LIN54: variants seen among roughly 807,000 people sequenced by gnomAD.
LIN54 encodes lin-54 DREAM MuvB core complex component.
Under a neutral mutation model 78.7 loss-of-function variants are expected in LIN54, and 9 were observed. The ratio of observed to expected loss-of-function variants is 0.11; its 90% CI spans 0.07 to 0.20. The LOEUF (loss-of-function observed/expected upper bound fraction) is 0.20. LIN54 is among the 10% of genes least tolerant of loss of function. The pLI, the probability that LIN54 is intolerant of heterozygous loss-of-function variation, is 1.00. For synonymous variants in LIN54, 269 were observed against 318.4 expected, an observed-to-expected ratio of 0.84 and a Z score of 1.65; for missense variants, 573 against 889.9, an observed-to-expected ratio of 0.64 and a Z score of 4.53.
At chr4:82,932,909 C>G (rs1381041988) in intron 11 of LIN54, among the ~76,000 whole-genome samples, 1 of 152,090 alleles carries the variant, frequency 6.6e-6, no homozygotes, top group African/African-American at 2.4e-5. Flanking sequence ...TCCCTGATTT[C>G]TAACGAATTT....
In LIN54 at chr4:82,947,023, C is replaced by CT. The variant is rs1187349647; in HGVS notation, c.952-550dup. Among the ~76,000 whole-genome samples, 10 of 151,262 alleles carry CT rather than the reference C, an allele frequency of 6.6e-5. No individual in the cohort carries two copies. In the East Asian group the frequency reaches 2.0e-3, roughly 30 times the overall value. ...CCTGCCTCAGCCCCCCAAAGTGCTGCTTTTTCCCAAAAGAAAAGCCTACCT... is the reference window on the plus strand; with the variant it reads ...CCTGCCTCAGCCCCCCAAAGTGCTGCTTTTTTCCCAAAAGAAAAGCCTACCT... On this transcript the variant is annotated intron_variant, in intron 4 of 12. Transcript: ENST00000340417.
chr4:82,947,235 A>ATATATTTTTTTTTTTTTTTTTTT, intron 4 of LIN54, among the ~76,000 whole-genome samples: 1 of 44,292 alleles, frequency 2.3e-5, no homozygotes, highest in African/African-American at 1.0e-4. Context: ...ATATATATAT[A>ATATATTTTTTTTTTTTTTTTTTT]TTTTTTTTTT....
intron 3 of LIN54, among the ~76,000 whole-genome samples, chr4:82,973,980 G>A (rs1045182647): frequency 3.3e-5 from 5 of 152,174 alleles, no homozygotes; most frequent in Non-Finnish European, 4.4e-5. Flanking sequence ...GGAGGACAAG[G>A]AGGGTGGATC....
chr4:82,972,948 T>TAAAAAAAAAAAAA (rs35025108), intron 3 of LIN54, among the ~76,000 whole-genome samples: 1 of 59,412 alleles, frequency 1.7e-5, no homozygotes, highest in Non-Finnish European at 3.6e-5. Context: ...AGAATCCCTC[T>TAAAAAAAAAAAAA]AAAAAAAAAA....
chr4:82,965,627 TTTGA>T (rs1725138637), intron 4 of LIN54, among the ~76,000 whole-genome samples: 1 of 152,156 alleles, frequency 6.6e-6, no homozygotes, highest in Non-Finnish European at 1.5e-5. Flanking sequence ...GAATTATTAT[TTTGA>T]TTATGAACTC....
intron 3 of LIN54, 55 bp from the exon 4 acceptor site, chr4:82,970,524 T>C (rs1414126842): frequency 1.3e-6 from 2 of 1,498,064 alleles, no homozygotes; most frequent in Middle Eastern, 1.8e-4. Context: ...AGTATAAAAA[T>C]TTATGTGATG....
chr4:83,008,366 A>G (rs1385260990), intron 1 of LIN54, among the ~76,000 whole-genome samples: 1 of 152,124 alleles, frequency 6.6e-6, no homozygotes, highest in Non-Finnish European at 1.5e-5. Context: ...AGTAGTGAAA[A>G]TCGGCCGGGC....
intron 5 of LIN54, among the ~76,000 whole-genome samples, chr4:82,943,861 ATTTTTTTTTTT>A (rs35020887): frequency 3.1e-4 from 40 of 128,332 alleles, no homozygotes; most frequent in Admixed American, 3.0e-4. Context: ...GTCAATACTG[ATTTTTTTTTTT>A]TTTTTTTTTT....
At chr4:82,969,167 G>C (rs1725452960) in intron 4 of LIN54, among the ~76,000 whole-genome samples, 1 of 152,144 alleles carries the variant, frequency 6.6e-6, no homozygotes, top group African/African-American at 2.4e-5. Context: ...TTTATGTAAA[G>C]TATCACCTCA....
intron 12 of LIN54, among the ~76,000 whole-genome samples, chr4:82,930,164 G>T (rs1388592489): frequency 6.6e-6 from 1 of 152,298 alleles, no homozygotes; most frequent in East Asian, 1.9e-4. Flanking sequence ...CTCCCAAAGT[G>T]CTGGGATTAT....
upstream of LIN54, chr4:83,012,075 T>C: frequency 1.0e-6 from 1 of 982,454 alleles, no homozygotes; most frequent in Non-Finnish European, 1.2e-6. Context: ...CAACAAGGGC[T>C]GTCCACCACC....
chr4:82,983,013 T>TA (rs1726801240), intron 2 of LIN54, among the ~76,000 whole-genome samples: 1 of 151,080 alleles, frequency 6.6e-6, no homozygotes, highest in African/African-American at 2.4e-5. Context: ...TCTTGTTTTT[T>TA]TTTTTTTTTT....
intron 7 of LIN54, 143 bp downstream of exon 7, chr4:82,939,396 G>C: frequency 1.4e-6 from 1 of 707,770 alleles, no homozygotes; most frequent in Non-Finnish European, 2.5e-6. Flanking sequence ...TAAACTTAAA[G>C]GTTTGGGTTA....
intron 1 of LIN54, 103 bp from the exon 2 acceptor site, chr4:82,984,979 T>C (rs1295632000): frequency 6.3e-5 from 45 of 716,576 alleles, no homozygotes; most frequent in Non-Finnish European, 9.8e-5. Context: ...TTTAAATTGA[T>C]ATATAATTGA....
intron 1 of LIN54, among the ~76,000 whole-genome samples, chr4:82,991,773 C>T (rs990806467): frequency 6.6e-6 from 1 of 152,002 alleles, no homozygotes; most frequent in African/African-American, 2.4e-5. Flanking sequence ...TTTTTTTAAT[C>T]TGTGAATTAT....
intron 1 of LIN54, among the ~76,000 whole-genome samples, chr4:82,989,686 C>T (rs1727496438): frequency 6.6e-6 from 1 of 152,154 alleles, no homozygotes; most frequent in African/African-American, 2.4e-5. Context: ...CTTTAAAGCA[C>T]CTGAAATTAA....
chr4:82,989,269 TATAAC>T (rs1488849964), intron 1 of LIN54, among the ~76,000 whole-genome samples: 4 of 152,182 alleles, frequency 2.6e-5, no homozygotes, highest in Non-Finnish European at 5.9e-5. Flanking sequence ...ATCAGTCACT[TATAAC>T]ATCTTAAAGG....
chr4:82,986,145 C>A (rs945276595), intron 1 of LIN54, among the ~76,000 whole-genome samples: 12 of 152,076 alleles, frequency 7.9e-5, no homozygotes, highest in African/African-American at 2.4e-4. Context: ...GACAGAGTCT[C>A]GCTCTTGTTA....
intron 4 of LIN54, among the ~76,000 whole-genome samples, chr4:82,964,388 C>G (rs79935293): frequency 0.012 from 1,830 of 152,248 alleles, 35 homozygotes; most frequent in African/African-American, 0.042. Context: ...TGCATTAATT[C>G]AGACCTGCAG....
Sources: gnomAD v4.1 joint callset for allele counts (sites outside exome capture counted in the v4.1 genomes callset) on GRCh38, gnomAD v4.1.1 for gene constraint, MANE v1.5 for transcripts, NCBI Gene and HGNC (gene_info 2026-07-23, HGNC 2026-07-21) for gene names.